The following SLC18B1 variants were observed in gnomAD, a reference collection of about 807,000 sequenced individuals.
The protein encoded by SLC18B1 is solute carrier family 18 member B1, also known as MFS-type transporter SLC18B1.
Under a neutral mutation model 53.9 loss-of-function variants are expected in SLC18B1, and 62 were observed. The observed-to-expected ratio is 1.15, with a 90% CI of 0.94 to 1.42. SLC18B1 has a LOEUF of 1.42. Ranked by LOEUF, SLC18B1 falls within the 40% of genes most tolerant of loss-of-function variation. SLC18B1 has a pLI of 0.00. For synonymous variants in SLC18B1, 217 were observed against 200.9 expected (o/e 1.08, Z -0.68); for missense variants, 598 against 547.3 (o/e 1.09, Z -0.93).
chr6:132,796,068 G>A (rs1781667737), intron 2 of SLC18B1, among the ~76,000 whole-genome samples: 1 of 152,022 alleles, frequency 6.6e-6, no homozygotes, highest in Non-Finnish European at 1.5e-5. Flanking sequence ...CAAAAATTCG[G>A]CCGGGCACGG....
chr6:132,774,385 AT>A, intron 8 of SLC18B1, 72 bp from the exon 9 acceptor site: 1 of 1,192,034 alleles, frequency 8.4e-7, no homozygotes, highest in South Asian at 1.3e-5. Context: ...AACGTAAAAC[AT>A]TAGTAAAAAA....
At chr6:132,777,910 T>C (rs2114666195) in intron 7 of SLC18B1, among the ~76,000 whole-genome samples, 1 of 152,330 alleles carries the variant, frequency 6.6e-6, no homozygotes, top group East Asian at 1.9e-4. Flanking sequence ...GTCACACGCG[T>C]CCGTGTAAAC....
intron 6 of SLC18B1, among the ~76,000 whole-genome samples, chr6:132,781,582 C>T (rs990499852): frequency 2.6e-5 from 4 of 151,860 alleles, no homozygotes; most frequent in Non-Finnish European, 4.4e-5. Context: ...CATAGTGAAA[C>T]GCTGTCTCTA....
At chr6:132,776,294 A>G in intron 8 of SLC18B1, 34 bp downstream of exon 8, 1 of 1,544,450 alleles carries the variant, frequency 6.5e-7, no homozygotes, top group Non-Finnish European at 8.9e-7. Context: ...CTAAACATAC[A>G]AAAGTGACTC....
At chr6:132,796,207 T>G (rs1299711395) in intron 2 of SLC18B1, among the ~76,000 whole-genome samples, 1 of 148,552 alleles carries the variant, frequency 6.7e-6, no homozygotes, top group African/African-American at 2.5e-5. Context: ...AAAAAAAAAT[T>G]AGCTGGGCGT....
Position 132,790,197 on chromosome 6 carries a change from A to T in SLC18B1, c.259T>A (p.Ser87Thr), listed in dbSNP as rs370504588. The change falls in exon 3 of 14, where the codon TCC (serine) becomes ACC (threonine). Residue 87 changes from serine (S) to threonine (T), a missense_variant. Ser to Thr is a moderately conservative substitution (Grantham distance 58). Coordinates refer to ENST00000275227, the MANE Select transcript of SLC18B1 (RefSeq NM_052831.3). ...CTTACATAGTTTCCAAATACCAAGG[A>T]TGCCAGCAACTCGAACAAAGCAAAA... Reference protein sequence around the residue: ...GCFALFELLASLVFGNYLVHI... With the variant: ...GCFALFELLATLVFGNYLVHI... 1.9e-5 allele frequency: 30 copies of T among 1,572,574 alleles called. No homozygotes were observed. The highest frequency in any genetic ancestry group is 2.7e-5 in the African/African-American group (2 of 73,870).
intron 5 of SLC18B1, among the ~76,000 whole-genome samples, chr6:132,785,823 G>A (rs1348764860): frequency 2.8e-5 from 4 of 143,036 alleles, no homozygotes; most frequent in Admixed American, 7.4e-5. Flanking sequence ...CACCTTGGAA[G>A]GCCAAAGTGG....
chr6:132,798,112 C>T (rs917170320), intron 1 of SLC18B1, among the ~76,000 whole-genome samples: 1 of 152,174 alleles, frequency 6.6e-6, no homozygotes, highest in Non-Finnish European at 1.5e-5. Context: ...ACAATGGGTA[C>T]TTGAAAGGTA....
chr6:132,794,860 C>T (rs1022042472), intron 2 of SLC18B1, among the ~76,000 whole-genome samples: 30 of 152,148 alleles, frequency 2.0e-4, no homozygotes, highest in Admixed American at 1.5e-3. Flanking sequence ...AAAAAAATAG[C>T]TAGGCGTGGT....
At chr6:132,795,430 G>A (rs1398179571) in intron 2 of SLC18B1, among the ~76,000 whole-genome samples, 1 of 152,200 alleles carries the variant, frequency 6.6e-6, no homozygotes, top group African/African-American at 2.4e-5. Context: ...AACATGCTGA[G>A]ATTCTCAAGA....
Position 132,788,432 on chromosome 6 carries a change from T to C in SLC18B1, c.354-851A>G, listed in dbSNP as rs575025772. ...GGAGGAAATTAACCTTTTTCTTTTT[T>C]TGATAACAATTTGAGTCATAATGAC... On this transcript the variant is annotated intron_variant, in intron 4 of 13. Coordinates refer to ENST00000275227, the MANE Select transcript of SLC18B1 (RefSeq NM_052831.3). Among the ~76,000 whole-genome samples, 7 of 152,284 alleles carry C rather than the reference T, an allele frequency of 4.6e-5. No individual in the cohort carries two copies. In the East Asian group the frequency reaches 1.2e-3, roughly 25 times the overall value.
chr6:132,786,267 C>T (rs1377077040), intron 5 of SLC18B1, among the ~76,000 whole-genome samples: 2 of 152,092 alleles, frequency 1.3e-5, no homozygotes, highest in African/African-American at 2.4e-5. Flanking sequence ...AAGAACGTGC[C>T]GGGCACGGTG....
chr6:132,774,068 A>G (rs1781041979), intron 9 of SLC18B1, among the ~76,000 whole-genome samples, 154 bp downstream of exon 9: 1 of 152,190 alleles, frequency 6.6e-6, no homozygotes, highest in African/African-American at 2.4e-5. Context: ...TAGTAGGGTA[A>G]AATATTGTCA....
rs1337441819 is a variant in SLC18B1 at position 132,788,378 on chromosome 6, A to T, written c.354-797T>A. Among the ~76,000 whole-genome samples, 5 of 150,160 alleles carry T rather than the reference A, an allele frequency of 3.3e-5. No individual in the cohort carries two copies. The East Asian group carries it at 5.8e-4, about 17-fold the overall frequency. Reference sequence around the variant, plus strand: ...ATTGCTTTAGAATATGATTTTTTTTAAAAGAGTTGCTTTGTTGTCTTTTCA... The same window carrying T: ...ATTGCTTTAGAATATGATTTTTTTTTAAAGAGTTGCTTTGTTGTCTTTTCA... On this transcript the variant is annotated intron_variant, in intron 4 of 13. Coordinates refer to ENST00000275227, the MANE Select transcript of SLC18B1 (RefSeq NM_052831.3).
intron 2 of SLC18B1, among the ~76,000 whole-genome samples, chr6:132,792,398 A>G (rs1294108474): frequency 6.6e-6 from 1 of 150,830 alleles, no homozygotes; most frequent in Non-Finnish European, 1.5e-5. Flanking sequence ...GAAGGAAAGA[A>G]GGAAGGAAGG....
intron 4 of SLC18B1, 48 bp downstream of exon 4, chr6:132,789,716 A>C: frequency 7.9e-7 from 1 of 1,271,192 alleles, no homozygotes; most frequent in Non-Finnish European, 1.1e-6. Flanking sequence ...CAGAAGATAC[A>C]TTACAAAATC....
chr6:132,778,339 A>G (rs1781148089), intron 7 of SLC18B1, among the ~76,000 whole-genome samples: 1 of 152,182 alleles, frequency 6.6e-6, no homozygotes, highest in Non-Finnish European at 1.5e-5. Flanking sequence ...CACTGGCTAA[A>G]GGCAATATTA....
chr6:132,773,791 A>G (rs1428413400), intron 9 of SLC18B1, among the ~76,000 whole-genome samples: 1 of 152,198 alleles, frequency 6.6e-6, no homozygotes, highest in Non-Finnish European at 1.5e-5. Flanking sequence ...ACATTAAGCA[A>G]GGTCTAATAA....
intron 2 of SLC18B1, among the ~76,000 whole-genome samples, chr6:132,791,089 G>A (rs955889497): frequency 2.4e-4 from 37 of 152,050 alleles, no homozygotes; most frequent in Admixed American, 2.6e-4. Context: ...CTTAAATCAG[G>A]TTCTAGCTAT....
Sources: gnomAD v4.1 joint callset for allele counts (sites outside exome capture counted in the v4.1 genomes callset) on GRCh38, gnomAD v4.1.1 for gene constraint, MANE v1.5 for transcripts, NCBI Gene and HGNC (gene_info 2026-07-23, HGNC 2026-07-21) for gene names.